DSCAM: variants seen among roughly 807,000 people sequenced by gnomAD.
DSCAM encodes cell adhesion molecule DSCAM.
In DSCAM, 47 loss-of-function variants were observed where a neutral mutation model predicts 217.7. The ratio of observed to expected loss-of-function variants is 0.22; its 90% CI spans 0.17 to 0.28. The LOEUF (loss-of-function observed/expected upper bound fraction) is 0.28, where lower values mean the gene tolerates loss of function less well. Among genes scored for constraint, DSCAM ranks in the 10% least tolerant of loss-of-function variants. DSCAM has a pLI of 1.00. For synonymous variants in DSCAM, 1,056 were observed against 1,015.3 expected (o/e 1.04, Z -0.76); for missense variants, 2,080 against 2,618.3 (o/e 0.79, Z 4.49).
At chr21:40,244,720 C>T (rs952520307) in intron 11 of DSCAM, among the ~76,000 whole-genome samples, 10 of 151,912 alleles carry the variant, frequency 6.6e-5, no homozygotes, top group African/African-American at 1.7e-4. Flanking sequence ...GTTGGGGCGG[C>T]GAGGGTGGGA....
At chr21:40,240,077 C>T (rs7280715) in intron 11 of DSCAM, among the ~76,000 whole-genome samples, 7,928 of 152,244 alleles carry the variant, frequency 0.052, 374 homozygotes, top group African/African-American at 0.12. Context: ...AGGGTACAAC[C>T]CAGGGGAATT....
intron 24 of DSCAM, 48 bp from the exon 25 acceptor site, chr21:40,080,388 T>C (rs1343659393): frequency 6.8e-7 from 1 of 1,475,018 alleles, no homozygotes; most frequent in South Asian, 1.3e-5. Flanking sequence ...TTGCTTTCTA[T>C]GGGAAGTGGA....
intron 3 of DSCAM, among the ~76,000 whole-genome samples, chr21:40,395,373 CTT>C (rs2075169779): frequency 6.6e-6 from 1 of 150,542 alleles, no homozygotes; most frequent in Non-Finnish European, 1.5e-5. Flanking sequence ...ATTTGAGTCT[CTT>C]TGGTATCCAG....
intron 3 of DSCAM, among the ~76,000 whole-genome samples, chr21:40,620,160 GAA>G (rs1568942124): frequency 1.4e-5 from 1 of 72,540 alleles, no homozygotes; most frequent in African/African-American, 6.6e-5. Context: ...GAAAAAGAAA[GAA>G]AGAGAGAGAG....
At chr21:40,704,149 T>C (rs994443489) in intron 2 of DSCAM, among the ~76,000 whole-genome samples, 1 of 152,174 alleles carries the variant, frequency 6.6e-6, no homozygotes, top group Non-Finnish European at 1.5e-5. Context: ...ACAGTTTCAC[T>C]GCCCTAAAAA....
chr21:40,628,715 A>G (rs2089638311), intron 3 of DSCAM, among the ~76,000 whole-genome samples: 1 of 64,268 alleles, frequency 1.6e-5, no homozygotes, highest in South Asian at 4.4e-4. Context: ...CTATCTATCT[A>G]TCTATCTATC....
chr21:40,021,227 GAAAA>G (rs1198288826), intron 32 of DSCAM, among the ~76,000 whole-genome samples: 9 of 116,566 alleles, frequency 7.7e-5, no homozygotes, highest in Admixed American at 7.5e-4. Flanking sequence ...AAAAAAAAAA[GAAAA>G]GAAACATAGC....
At chr21:40,762,471 A>G (rs1218216967) in intron 1 of DSCAM, among the ~76,000 whole-genome samples, 1 of 152,222 alleles carries the variant, frequency 6.6e-6, no homozygotes, top group African/African-American at 2.4e-5. Flanking sequence ...CAGTAAATCA[A>G]TAGTCTACCA....
chr21:40,535,165 C>T (rs1438921947), intron 3 of DSCAM, among the ~76,000 whole-genome samples: 1 of 152,100 alleles, frequency 6.6e-6, no homozygotes, highest in Non-Finnish European at 1.5e-5. Context: ...CAATGACACT[C>T]TCTATCTTAA....
At chr21:40,159,329 A>T (rs1314830512) in intron 16 of DSCAM, among the ~76,000 whole-genome samples, 1 of 152,188 alleles carries the variant, frequency 6.6e-6, no homozygotes, top group African/African-American at 2.4e-5. Context: ...GGGAAATGTC[A>T]TCAGCGAGAT....
chr21:40,641,246 T>C (rs1017294988), intron 3 of DSCAM, among the ~76,000 whole-genome samples: 1 of 152,072 alleles, frequency 6.6e-6, no homozygotes, highest in African/African-American at 2.4e-5. Flanking sequence ...AGAATGTTGG[T>C]GGCCCCATGG....
chr21:40,352,697 A>T (rs2074645603), intron 5 of DSCAM, among the ~76,000 whole-genome samples: 1 of 152,204 alleles, frequency 6.6e-6, no homozygotes, highest in African/African-American at 2.4e-5. Flanking sequence ...TTATATTGGC[A>T]ACTAAGACCT....
intron 9 of DSCAM, among the ~76,000 whole-genome samples, chr21:40,303,687 T>A (rs1025414004): frequency 6.6e-6 from 1 of 152,124 alleles, no homozygotes; most frequent in African/African-American, 2.4e-5. Flanking sequence ...TGTGTAAGAA[T>A]GAATGAATGA....
At chr21:40,140,935 G>T (rs956362644) in intron 18 of DSCAM, among the ~76,000 whole-genome samples, 6 of 5,978 alleles carry the variant, frequency 1.0e-3, no homozygotes, top group South Asian at 0.014. Flanking sequence ...CAAGGAGGGC[G>T]GGGGGGGGTC....
intron 1 of DSCAM, among the ~76,000 whole-genome samples, chr21:40,800,290 G>GA (rs2123495453): frequency 6.6e-6 from 1 of 152,266 alleles, no homozygotes; most frequent in East Asian, 1.9e-4. Flanking sequence ...AACTAAGACA[G>GA]AAAATTGGTA....
chr21:40,018,751 A>G (rs1313747555), intron 32 of DSCAM, among the ~76,000 whole-genome samples: 2 of 152,226 alleles, frequency 1.3e-5, no homozygotes, highest in Non-Finnish European at 2.9e-5. Flanking sequence ...GGCTCCAGTC[A>G]CTGAAATGGA....
intron 13 of DSCAM, 117 bp downstream of exon 13, chr21:40,187,774 C>T (rs888161899): frequency 4.3e-6 from 4 of 925,126 alleles, no homozygotes; most frequent in Non-Finnish European, 5.2e-6. Flanking sequence ...TTCAAAATTT[C>T]CTGGGAATTA....
chr21:40,637,560 C>A (rs1477342760), intron 3 of DSCAM, among the ~76,000 whole-genome samples: 39 of 54,202 alleles, frequency 7.2e-4, no homozygotes, highest in African/African-American at 1.1e-3. Context: ...TAAATATATA[C>A]ATATATAAAT....
chr21:40,651,101 C>G (rs2090007605), intron 3 of DSCAM, among the ~76,000 whole-genome samples: 1 of 152,118 alleles, frequency 6.6e-6, no homozygotes, highest in African/African-American at 2.4e-5. Flanking sequence ...GGCTAGGATT[C>G]TGGGGCAGCT....
Sources: allele counts gnomAD v4.1 joint callset (sites outside exome capture counted in the v4.1 genomes callset), GRCh38; gene constraint gnomAD v4.1.1; transcripts MANE v1.5; gene names NCBI Gene and HGNC (gene_info 2026-07-23, HGNC 2026-07-21).